Variants in RGS6 observed in about 807,000 individuals in gnomAD.
The protein encoded by RGS6 is regulator of G-protein signaling 6.
In RGS6, 30 loss-of-function variants were observed where a neutral mutation model predicts 78.5. That is an observed-to-expected ratio of 0.38 (90% CI 0.29 to 0.52). The LOEUF is 0.52. RGS6 is among the 20% of genes least tolerant of loss of function. The probability of loss-of-function intolerance (pLI) is 0.85; values close to 1 mark genes in which losing one functional copy is unlikely to be tolerated. For missense variants in RGS6, 495 were observed against 609.7 expected, an observed-to-expected ratio of 0.81 and a Z score of 1.98; for synonymous variants, 206 against 206.0, an observed-to-expected ratio of 1.00 and a Z score of 0.00.
intron 11 of RGS6, chr14:72,477,120 C>T (rs2096259065): frequency 2.7e-6 from 1 of 373,524 alleles, no homozygotes; most frequent in Admixed American, 4.4e-5. Flanking sequence ...TTCCCACAGT[C>T]CGCTGTGGGA....
the RGS6 span, among the ~76,000 whole-genome samples, chr14:71,920,108 G>A: frequency 5.3e-5 from 8 of 152,284 alleles, no homozygotes; most frequent in South Asian, 1.7e-3. Context: ...CATGAACAGG[G>A]TAAACTAATC....
chr14:72,109,142 T>C (rs1165571117), intron 2 of RGS6, among the ~76,000 whole-genome samples: 1 of 152,142 alleles, frequency 6.6e-6, no homozygotes, highest in Non-Finnish European at 1.5e-5. Context: ...CTCTTTTTTT[T>C]TCTTTCTGTT....
At chr14:72,198,242 A>G (rs149848379) in intron 2 of RGS6, among the ~76,000 whole-genome samples, 2,189 of 152,246 alleles carry the variant, frequency 0.014, 27 homozygotes, top group Non-Finnish European at 0.021. Context: ...AGTCCCAGCT[A>G]CTCAGGAGGC....
rs548298041 is a variant in RGS6 at position 72,545,823 on chromosome 14, G to A, written c.1422+5729G>A. On this transcript the variant is annotated intron_variant, in intron 17 of 17. Transcript: ENST00000553525. ...CACGGTGAGTCGCCGGAGGGTCAGG[G>A]AGGACTCACAGAGAACAGGGTGAGT... 5.9e-5 allele frequency among the ~76,000 whole-genome samples: 9 copies of A among 152,070 alleles called. No homozygotes were observed. The South Asian group carries it at 1.9e-3, about 32-fold the overall frequency.
At chr14:72,158,267 G>T (rs1279847985) in intron 2 of RGS6, among the ~76,000 whole-genome samples, 2 of 152,072 alleles carry the variant, frequency 1.3e-5, no homozygotes, top group East Asian at 1.9e-4. Flanking sequence ...CCTCTTCCCT[G>T]TCTCTTCATG....
At chr14:72,196,723 A>G (rs2040249988) in intron 2 of RGS6, among the ~76,000 whole-genome samples, 1 of 152,184 alleles carries the variant, frequency 6.6e-6, no homozygotes, top group Admixed American at 6.5e-5. Context: ...GCATCTGTCA[A>G]GTGCACATCA....
At chr14:72,143,841 C>G (rs2096573025) in intron 2 of RGS6, among the ~76,000 whole-genome samples, 1 of 151,916 alleles carries the variant, frequency 6.6e-6, no homozygotes, top group Admixed American at 6.6e-5. Context: ...AAACATAATG[C>G]AGGAAAGATA....
chr14:72,397,640 G>C (rs529823010), intron 3 of RGS6, among the ~76,000 whole-genome samples: 1 of 152,172 alleles, frequency 6.6e-6, no homozygotes, highest in Admixed American at 6.5e-5. Flanking sequence ...TTTCCAAAGG[G>C]AATGCTTCCA....
At chr14:72,610,815 G>A in the RGS6 span, among the ~76,000 whole-genome samples, 1 of 152,170 alleles carries the variant, frequency 6.6e-6, no homozygotes, top group Non-Finnish European at 1.5e-5. Context: ...GCCCACCACT[G>A]GCTGCCTGGG....
chr14:71,867,842 A>G, the RGS6 span, among the ~76,000 whole-genome samples: 1 of 152,106 alleles, frequency 6.6e-6, no homozygotes, highest in Admixed American at 6.5e-5. Context: ...ACTGGGGGCC[A>G]TCACCAAGGA....
the RGS6 span, among the ~76,000 whole-genome samples, chr14:72,602,680 C>T: frequency 6.6e-6 from 1 of 152,202 alleles, no homozygotes. Flanking sequence ...TTCCTGACTT[C>T]CATTATGTAA....
intron 2 of RGS6, among the ~76,000 whole-genome samples, chr14:72,271,567 G>C (rs2059939063): frequency 6.6e-6 from 1 of 152,238 alleles, no homozygotes; most frequent in South Asian, 2.1e-4. Flanking sequence ...GAGCCTGTGA[G>C]AGAATGGTGC....
chr14:71,928,489 C>G (rs2087750946), upstream of RGS6, among the ~76,000 whole-genome samples: 1 of 152,168 alleles, frequency 6.6e-6, no homozygotes, highest in Admixed American at 6.5e-5. Flanking sequence ...AACTCATTAT[C>G]CTCCCCAAAG....
the RGS6 span, among the ~76,000 whole-genome samples, chr14:71,917,602 C>A: frequency 6.6e-6 from 1 of 152,150 alleles, no homozygotes; most frequent in Non-Finnish European, 1.5e-5. Context: ...TGTGGCCCAC[C>A]TGCTCCCTCT....
intron 2 of RGS6, among the ~76,000 whole-genome samples, chr14:71,966,534 G>T (rs995573389): frequency 2.0e-5 from 3 of 152,162 alleles, no homozygotes; most frequent in Admixed American, 6.5e-5. Context: ...AGGAACATGG[G>T]CTTTGGAGTG....
At chr14:72,059,800 G>A (rs774189238) in intron 2 of RGS6, among the ~76,000 whole-genome samples, 6 of 152,176 alleles carry the variant, frequency 3.9e-5, no homozygotes, top group East Asian at 1.9e-4. Context: ...GTAAGGACTC[G>A]GCAGAAAGGT....
the RGS6 span, chr14:72,620,005 C>G: frequency 6.6e-7 from 1 of 1,525,782 alleles, no homozygotes; most frequent in Middle Eastern, 1.7e-4. Flanking sequence ...ACAGAGTAAG[C>G]ACAGAGGAGG....
At chr14:72,600,127 TAC>T in the RGS6 span, among the ~76,000 whole-genome samples, 5 of 151,652 alleles carry the variant, frequency 3.3e-5, no homozygotes, top group Admixed American at 2.0e-4. Flanking sequence ...CTGCCACACA[TAC>T]ACACACAGAG....
intron 17 of RGS6, among the ~76,000 whole-genome samples, chr14:72,551,465 G>C (rs1426480115): frequency 6.6e-6 from 1 of 152,192 alleles, no homozygotes. Context: ...TGACTGAGCA[G>C]CACCAACCAC....
Sources: allele counts gnomAD v4.1 joint callset (sites outside exome capture counted in the v4.1 genomes callset), GRCh38; gene constraint gnomAD v4.1.1; transcripts MANE v1.5; gene names NCBI Gene and HGNC (gene_info 2026-07-23, HGNC 2026-07-21).